The following CCDC141 variants were observed in gnomAD, a reference collection of about 807,000 sequenced individuals.
The protein encoded by CCDC141 is coiled-coil domain-containing protein 141.
Under a neutral mutation model 181.0 loss-of-function variants are expected in CCDC141, and 168 were observed. The ratio of observed to expected loss-of-function variants is 0.93; its 90% CI spans 0.82 to 1.05. The LOEUF (loss-of-function observed/expected upper bound fraction) is 1.05, where lower values mean the gene tolerates loss of function less well. Among genes scored for constraint, CCDC141 ranks in the 50% least tolerant of loss-of-function variants. The pLI is 0.00. For missense variants in CCDC141, 1,902 were observed against 1,788.5 expected (o/e 1.06, Z -1.14); for synonymous variants, 666 against 642.3 (o/e 1.04, Z -0.56).
chr2:179,045,220 T>A (rs1200411198), intron 2 of CCDC141, among the ~76,000 whole-genome samples: 2 of 142,832 alleles, frequency 1.4e-5, no homozygotes, highest in African/African-American at 5.2e-5. Context: ...TGTTCATGTG[T>A]TCTCATTGTT....
At position 178,884,889 on chromosome 2, in the gene CCDC141, A is replaced by C; in HGVS notation, c.1719+12T>G. The C allele has an allele frequency of 3.2e-6, 5 of 1,548,118 alleles. No individual in the cohort carries two copies. The highest frequency in any genetic ancestry group is 4.4e-6 in the Non-Finnish European group (5 of 1,145,076). On this transcript the variant is annotated intron_variant, in intron 11 of 23. Transcript: ENST00000443758. ...CCACCTTGCTGAAGAAGGTTAACAC[A>C]TAGTACCATACCTCCTCTGATGACT...
intron 2 of CCDC141, among the ~76,000 whole-genome samples, chr2:178,983,655 C>T (rs1282158505): frequency 4.0e-4 from 60 of 148,822 alleles, no homozygotes; most frequent in East Asian, 2.8e-3. Context: ...GGCTCGAGAA[C>T]TACGTGAAGA....
chr2:178,859,318 A>T (rs1685506108), intron 17 of CCDC141, among the ~76,000 whole-genome samples: 1 of 152,192 alleles, frequency 6.6e-6, no homozygotes, highest in African/African-American at 2.4e-5. Context: ...TTCCAATATG[A>T]AAACTTAACT....
rs750127066 is a variant in CCDC141 at position 178,869,175 on chromosome 2, A to G, written c.2336T>C (p.Ile779Thr). 1 of 1,613,376 alleles carries G rather than the reference A, an allele frequency of 6.2e-7. No individual in the cohort carries two copies. Among genetic ancestry groups the G allele is most frequent in the Non-Finnish European group, 8.5e-7 (1 of 1,179,706 alleles). The change falls in exon 15 of 24, where the codon ATC becomes ACC. Residue 779 changes from isoleucine to threonine, a missense_variant. By Grantham distance (89) the Ile-to-Thr change is moderately conservative. Coordinates refer to ENST00000443758, the MANE Select transcript of CCDC141 (RefSeq NM_173648.4). ...GTACAGGATATCCTCGTAATCCTGG[A>G]TTCTCTCTTTCTGTTTTTGATGGAA... The part of the protein sequence containing the change: ...IHFHQKQKER[I>T]QDYEDILYKV...
At chr2:178,871,999 T>A (rs1686138221) in intron 13 of CCDC141, 134 bp downstream of exon 13, 2 of 883,276 alleles carry the variant, frequency 2.3e-6, no homozygotes, top group Admixed American at 6.1e-5. Context: ...GGGACCTCAT[T>A]TATAAGTGGA....
chr2:178,859,772 T>C (rs1685524776), intron 17 of CCDC141, among the ~76,000 whole-genome samples: 1 of 152,188 alleles, frequency 6.6e-6, no homozygotes, highest in Non-Finnish European at 1.5e-5. Flanking sequence ...AGAATGAGCA[T>C]CTTTGCCAAA....
At chr2:178,965,374 G>A (rs1425159737) in intron 4 of CCDC141, among the ~76,000 whole-genome samples, 1 of 152,218 alleles carries the variant, frequency 6.6e-6, no homozygotes, top group Non-Finnish European at 1.5e-5. Context: ...GCAGCTCCTA[G>A]AGAGATTGAC....
chr2:178,946,197 G>A (rs962321231), intron 5 of CCDC141, among the ~76,000 whole-genome samples: 1 of 152,040 alleles, frequency 6.6e-6, no homozygotes, highest in East Asian at 1.9e-4. Context: ...TAGTCCCCAC[G>A]ATACACAAGT....
At chr2:179,042,387 G>A (rs535551518) in intron 2 of CCDC141, among the ~76,000 whole-genome samples, 24 of 152,206 alleles carry the variant, frequency 1.6e-4, no homozygotes, top group Admixed American at 3.9e-4. Flanking sequence ...TCCGTCTGTC[G>A]CCCAGGCTGG....
chr2:179,015,094 A>ATATATAT (rs1559048676), intron 2 of CCDC141, among the ~76,000 whole-genome samples: 13 of 45,812 alleles, frequency 2.8e-4, no homozygotes, highest in Non-Finnish European at 4.8e-4. Flanking sequence ...ATATATATAT[A>ATATATAT]TATATATATA....
chr2:179,035,118 A>G (rs1166091328), intron 2 of CCDC141, among the ~76,000 whole-genome samples: 2 of 84,528 alleles, frequency 2.4e-5, no homozygotes, highest in African/African-American at 9.6e-5. Context: ...CTGAATTATA[A>G]CTACAACATT....
intron 5 of CCDC141, among the ~76,000 whole-genome samples, chr2:178,950,771 C>A (rs77900532): frequency 0.016 from 2,412 of 152,182 alleles, 63 homozygotes; most frequent in African/African-American, 0.056. Context: ...TGTTGATGGG[C>A]AGTAGGAAAG....
At chr2:178,943,459 A>G (rs191960154) in intron 6 of CCDC141, among the ~76,000 whole-genome samples, 18 of 152,232 alleles carry the variant, frequency 1.2e-4, no homozygotes, top group Admixed American at 9.2e-4. Context: ...TTAAGTCTAA[A>G]TAAATGCAAT....
At chr2:178,824,322 A>G in the CCDC141 span, among the ~76,000 whole-genome samples, 1 of 152,162 alleles carries the variant, frequency 6.6e-6, no homozygotes, top group African/African-American at 2.4e-5. Context: ...GAGGAATGAA[A>G]CTCATGTGCC....
intron 7 of CCDC141, among the ~76,000 whole-genome samples, chr2:178,907,262 T>C (rs556517291): frequency 6.6e-6 from 1 of 152,326 alleles, no homozygotes; most frequent in Admixed American, 6.5e-5. Flanking sequence ...ATCCCCATTA[T>C]ATGACTGGGA....
At chr2:178,982,505 C>A (rs905535892) in intron 2 of CCDC141, among the ~76,000 whole-genome samples, 4 of 152,208 alleles carry the variant, frequency 2.6e-5, no homozygotes, top group Admixed American at 6.5e-5. Flanking sequence ...CAGCTCCCAG[C>A]CTGAGCGACG....
intron 2 of CCDC141, among the ~76,000 whole-genome samples, chr2:179,012,899 T>C (rs2042310778): frequency 6.6e-6 from 1 of 152,092 alleles, no homozygotes. Flanking sequence ...GAAAAAGCAC[T>C]CAACAAAATC....
At chr2:178,852,812 C>A (rs1229599104) in intron 20 of CCDC141, among the ~76,000 whole-genome samples, 3 of 151,826 alleles carry the variant, frequency 2.0e-5, no homozygotes, top group African/African-American at 7.3e-5. Flanking sequence ...CCTCCATGGA[C>A]TTCTTAAATG....
At position 178,832,483 on chromosome 2, in the gene CCDC141, A is replaced by C. The variant is rs561889263; in HGVS notation, c.*1690T>G. The C allele has an allele frequency of 2.3e-3, 308 of 133,044 alleles. No homozygotes were observed. Among genetic ancestry groups the C allele is most frequent in the African/African-American group, 6.2e-3 (224 of 36,274 alleles). 8.2% of individuals were successfully genotyped at this position (133,044 alleles called of 1,614,324 possible). Reference sequence around the variant, plus strand: ...TCTTTCTCAAAAAAAAAAAAAAAAAACAAAAAAAACAAAAAAAAGATAGTT... The same window carrying C: ...TCTTTCTCAAAAAAAAAAAAAAAAACCAAAAAAAACAAAAAAAAGATAGTT... On this transcript the variant is annotated 3_prime_UTR_variant, in exon 24 of 24. Transcript: ENST00000443758.
Sources: allele counts gnomAD v4.1 joint callset (sites outside exome capture counted in the v4.1 genomes callset), GRCh38; gene constraint gnomAD v4.1.1; transcripts MANE v1.5; gene names NCBI Gene and HGNC (gene_info 2026-07-23, HGNC 2026-07-21).